Variants in TRIM16 observed in about 807,000 individuals in gnomAD.
TRIM16 encodes the protein tripartite motif containing 16.
Under a neutral mutation model 50.4 loss-of-function variants are expected in TRIM16, and 33 were observed. The ratio of observed to expected loss-of-function variants is 0.65; its 90% confidence interval spans 0.50 to 0.88. The LOEUF (loss-of-function observed/expected upper bound fraction) is 0.88, where lower values mean the gene tolerates loss of function less well. Among genes scored for constraint, TRIM16 ranks in the 40% least tolerant of loss-of-function variants. TRIM16 has a pLI of 0.00. For missense variants in TRIM16, 581 were observed against 686.8 expected (o/e 0.85, Z 1.72); for synonymous variants, 229 against 270.7 (o/e 0.85, Z 1.51).
At chr17:15,671,799 G>A (rs983386199) in intron 6 of TRIM16, among the ~76,000 whole-genome samples, 1 of 152,142 alleles carries the variant, frequency 6.6e-6, no homozygotes, top group Non-Finnish European at 1.5e-5. Context: ...ATATGTGAGT[G>A]ATATAAATAG....
At chr17:15,649,319 G>A (rs1000847209) in intron 7 of TRIM16, among the ~76,000 whole-genome samples, 2 of 151,966 alleles carry the variant, frequency 1.3e-5, no homozygotes, top group Non-Finnish European at 2.9e-5. Context: ...ATGGAGTCTC[G>A]CTCTGTCACC....
chr17:15,660,759 G>C (rs1184760862), intron 6 of TRIM16, among the ~76,000 whole-genome samples: 1 of 151,958 alleles, frequency 6.6e-6, no homozygotes. Context: ...TTAGCCGGGC[G>C]TGGTGGCAGG....
At chr17:15,664,675 G>C (rs1988396786) in intron 6 of TRIM16, among the ~76,000 whole-genome samples, 1 of 152,174 alleles carries the variant, frequency 6.6e-6, no homozygotes, top group African/African-American at 2.4e-5. Flanking sequence ...GAGGCTTCCT[G>C]AGTGAAGTGG....
intron 7 of TRIM16, among the ~76,000 whole-genome samples, chr17:15,647,767 T>C (rs1987466436): frequency 6.6e-6 from 1 of 151,324 alleles, no homozygotes; most frequent in African/African-American, 2.4e-5. Flanking sequence ...ACCTGCTTCA[T>C]GGGTCAGAAC....
intron 7 of TRIM16, among the ~76,000 whole-genome samples, chr17:15,650,451 T>A (rs561844706): frequency 3.9e-4 from 60 of 152,302 alleles, no homozygotes; most frequent in African/African-American, 1.4e-3. Flanking sequence ...GCTATGAGCA[T>A]GATGTTTCTT....
In TRIM16 at chr17:15,682,954, G is replaced by C. The variant is rs1857906145; in HGVS notation, c.-776-3C>G. On this transcript the variant is annotated splice_region_variant and splice_polypyrimidine_tract_variant and intron_variant, in intron 2 of 11. Transcript: ENST00000649191. ...CCCACACACATTTTACAAGGTTGCT[G>C]TAAAGAAAAACTAAAATGAGGTTGT... 1.9e-6 allele frequency: 3 copies of C among 1,543,688 alleles called. No homozygotes were observed. Among genetic ancestry groups the C allele is most frequent in the Non-Finnish European group, 2.6e-6 (3 of 1,144,428 alleles).
At chr17:15,639,593 G>A (rs1267012604) in intron 8 of TRIM16, among the ~76,000 whole-genome samples, 1 of 149,118 alleles carries the variant, frequency 6.7e-6, no homozygotes, top group African/African-American at 2.5e-5. Context: ...TGGTTTTGTG[G>A]CTCCCTCCGG....
At chr17:15,636,778 T>C (rs1986770181) in intron 8 of TRIM16, among the ~76,000 whole-genome samples, 1 of 148,618 alleles carries the variant, frequency 6.7e-6, no homozygotes, top group Non-Finnish European at 1.5e-5. Flanking sequence ...CCATAAAATG[T>C]TTAGGGTGCA....
At chr17:15,661,758 G>A (rs1049068299) in intron 6 of TRIM16, among the ~76,000 whole-genome samples, 1 of 152,094 alleles carries the variant, frequency 6.6e-6, no homozygotes, top group Non-Finnish European at 1.5e-5. Context: ...GCTCCATGAC[G>A]CCATGGAAGC....
rs1987723605 is a variant in TRIM16, at chr17:15,651,798, TGAC to T, written c.-192_-190del. 3.4e-6 allele frequency: 5 copies of T among 1,465,332 alleles called. No individual in the cohort carries two copies. Among genetic ancestry groups the T allele is most frequent in the East Asian group, 2.5e-5 (1 of 40,350 alleles). The allele number at this position is 1,465,332 out of a possible 1,614,324, so 90.8% of individuals were successfully genotyped here. A position where few individuals can be genotyped will look rare whatever the true frequency, so the allele number is the denominator to read the frequency against. ...GGCGCTGGATGGCAGCCAGATGCGA[TGAC>T]GACAAGGCAGCTAGAGTACTCAGGC... On this transcript the variant is annotated 5_prime_UTR_variant, in exon 7 of 12. Transcript: ENST00000649191.
At chr17:15,653,581 C>T (rs1039013788) in intron 6 of TRIM16, among the ~76,000 whole-genome samples, 11 of 152,172 alleles carry the variant, frequency 7.2e-5, no homozygotes, top group East Asian at 1.9e-4. Context: ...TCCCTTTGTA[C>T]GTATCTGTGT....
At chr17:15,681,150 A>T (rs1279173638) in intron 3 of TRIM16, 197 bp from the exon 4 acceptor site, 1 of 489,642 alleles carries the variant, frequency 2.0e-6, no homozygotes, top group African/African-American at 2.0e-5. Context: ...AGGGAAAGGT[A>T]TGACCATTAA....
chr17:15,661,083 A>C (rs890669736), intron 6 of TRIM16, among the ~76,000 whole-genome samples: 9 of 152,072 alleles, frequency 5.9e-5, no homozygotes, highest in African/African-American at 2.2e-4. Flanking sequence ...CTGGAGTTAG[A>C]AGTGTCAAGT....
intron 6 of TRIM16, among the ~76,000 whole-genome samples, chr17:15,656,517 T>C (rs770660680): frequency 6.6e-5 from 10 of 152,104 alleles, no homozygotes; most frequent in Non-Finnish European, 1.3e-4. Flanking sequence ...TCAGCCCCCA[T>C]CACAACATCT....
chr17:15,664,536 CCAGA>C (rs1033994572), intron 6 of TRIM16, among the ~76,000 whole-genome samples: 6 of 151,810 alleles, frequency 4.0e-5, no homozygotes, highest in African/African-American at 1.5e-4. Flanking sequence ...CTGATGTGAT[CCAGA>C]CAGAGACGAC....
At chr17:15,658,785 G>C (rs998619830) in intron 6 of TRIM16, 1 of 985,256 alleles carries the variant, frequency 1.0e-6, no homozygotes, top group African/African-American at 1.7e-5. Context: ...AACCAGCCCA[G>C]AATTTTACTG....
chr17:15,632,384 GA>G (rs557963240), intron 10 of TRIM16, 124 bp downstream of exon 10: 1,403 of 1,272,908 alleles, frequency 1.1e-3, no homozygotes, highest in South Asian at 2.4e-3. Flanking sequence ...CACAGAAAAA[GA>G]AAAAAAAAAG....
chr17:15,647,414 C>G (rs1987446936), intron 7 of TRIM16, among the ~76,000 whole-genome samples: 1 of 152,238 alleles, frequency 6.6e-6, no homozygotes, highest in African/African-American at 2.4e-5. Context: ...TCTTGCTCAC[C>G]ATGGAGACTG....
At chr17:15,666,930 G>A (rs1171472551) in intron 6 of TRIM16, among the ~76,000 whole-genome samples, 1 of 152,240 alleles carries the variant, frequency 6.6e-6, no homozygotes, top group Non-Finnish European at 1.5e-5. Flanking sequence ...CGGGCATCGT[G>A]TAAGAAAGTC....
Sources: gnomAD v4.1 joint callset for allele counts (sites outside exome capture counted in the v4.1 genomes callset) on GRCh38, gnomAD v4.1.1 for gene constraint, MANE v1.5 for transcripts, NCBI Gene and HGNC (gene_info 2026-07-23, HGNC 2026-07-21) for gene names.